The following TASP1 variants were observed in gnomAD, a reference collection of about 807,000 sequenced individuals.
The protein encoded by TASP1 is taspase 1, also known as threonine aspartase 1.
TASP1 carries 16 observed loss-of-function variants against 56.6 expected under a neutral mutation model. The ratio of observed to expected loss-of-function variants is 0.28; its 90% CI spans 0.19 to 0.43. The LOEUF is 0.43. Among genes scored for constraint, TASP1 ranks in the 20% least tolerant of loss-of-function variants. The probability of loss-of-function intolerance (pLI) is 1.00; values close to 1 mark genes in which losing one functional copy is unlikely to be tolerated. For missense variants in TASP1, 393 were observed against 511.6 expected (o/e 0.77, Z 2.24); for synonymous variants, 179 against 184.2 (o/e 0.97, Z 0.23).
the TASP1 span, among the ~76,000 whole-genome samples, chr20:13,133,635 G>A: frequency 6.6e-6 from 1 of 152,214 alleles, no homozygotes; most frequent in Non-Finnish European, 1.5e-5. Flanking sequence ...TCTGGAGACT[G>A]AGGCAAGAGA....
intron 9 of TASP1, among the ~76,000 whole-genome samples, chr20:13,530,840 T>G (rs1346709018): frequency 2.0e-5 from 3 of 152,224 alleles, no homozygotes; most frequent in Non-Finnish European, 1.5e-5. Context: ...TCCACTTCAT[T>G]GGATAAAATA....
chr20:13,247,585 A>G, the TASP1 span, among the ~76,000 whole-genome samples: 2 of 151,422 alleles, frequency 1.3e-5, no homozygotes, highest in Non-Finnish European at 1.5e-5. Flanking sequence ...GCAACTTAAA[A>G]GAGAGACTTT....
intron 13 of TASP1, among the ~76,000 whole-genome samples, chr20:13,406,962 G>T (rs964821158): frequency 1.3e-5 from 2 of 152,056 alleles, no homozygotes; most frequent in African/African-American, 4.8e-5. Flanking sequence ...CACCGTGCCC[G>T]GCTATTTTGA....
At position 13,483,231 on chromosome 20, in the gene TASP1, A is replaced by G. The variant is rs2043203373; in HGVS notation, c.981T>C (p.Phe327=). The G allele has an allele frequency of 1.3e-6, 2 of 1,579,142 alleles. No individual in the cohort carries two copies. The highest frequency in any genetic ancestry group is 4.6e-5 in the East Asian group (2 of 43,554). The part of the protein sequence containing the change: ...QALLETMQNK[F]ISSPFLASED... The stretch of plus-strand genomic sequence containing the variant: ...TCTTCTTAATGTTATACTTACTGAT[A>G]AACTTGTTTTGCATAGTCTCCAACA... The change falls in exon 11 of 14, where the codon TTT becomes TTC. Residue 327 remains phenylalanine (F), a synonymous_variant. Coordinates refer to ENST00000337743, the MANE Select transcript of TASP1 (RefSeq NM_017714.3).
Position 13,522,965 on chromosome 20 carries a change from C to T in TASP1, c.874+5468G>A, listed in dbSNP as rs148519097. On this transcript the variant is annotated intron_variant, in intron 10 of 13. Coordinates refer to ENST00000337743, the MANE Select transcript of TASP1 (RefSeq NM_017714.3). The stretch of plus-strand genomic sequence containing the variant: ...AGGAGGAGCAAGTTATTTGAGCAAC[C>T]GTGTCAAATGTTGCTTATAGGACTA... Among the ~76,000 whole-genome samples, 778 of 152,170 alleles carry T rather than the reference C, an allele frequency of 5.1e-3. 4 individuals carry two copies. Among genetic ancestry groups the T allele is most frequent in the East Asian group, 0.012 (60 of 5,174 alleles).
the TASP1 span, among the ~76,000 whole-genome samples, chr20:13,140,395 G>A: frequency 6.6e-6 from 1 of 152,140 alleles, no homozygotes; most frequent in African/African-American, 2.4e-5. Context: ...GCAAACCTCT[G>A]ATGTTCATCA....
At chr20:13,386,146 T>G (rs1040492712), downstream of TASP1, among the ~76,000 whole-genome samples, 1 of 152,234 alleles carries the variant, frequency 6.6e-6, no homozygotes, top group Non-Finnish European at 1.5e-5. Context: ...AACAAATATA[T>G]GTACTGGGCA....
chr20:13,332,772 G>GT, the TASP1 span, among the ~76,000 whole-genome samples: 5 of 152,170 alleles, frequency 3.3e-5, no homozygotes, highest in East Asian at 3.8e-4. Flanking sequence ...CTATGATAAG[G>GT]TTTTTTGTTC....
chr20:13,108,221 T>C, the TASP1 span, among the ~76,000 whole-genome samples: 532 of 152,334 alleles, frequency 3.5e-3, 4 homozygotes, highest in African/African-American at 0.012. Flanking sequence ...TCACCTTTAT[T>C]TAAATGTGGT....
In TASP1 at chr20:13,572,753, C is replaced by T. The variant is rs75521724; in HGVS notation, c.489-3167G>A. 2.4e-4 allele frequency among the ~76,000 whole-genome samples: 35 copies of T among 148,348 alleles called. No individual in the cohort carries two copies. The East Asian group carries it at 4.7e-3, about 20-fold the overall frequency. On this transcript the variant is annotated intron_variant, in intron 6 of 13. Transcript: ENST00000337743. ...TGCTGACAGAGAAAACACCCTGAAA[C>T]GGACTATCTGGGCAAATACGGTGAT...
At chr20:13,557,654 C>T (rs1355886021) in intron 8 of TASP1, among the ~76,000 whole-genome samples, 2 of 143,678 alleles carry the variant, frequency 1.4e-5, no homozygotes, top group Admixed American at 1.4e-4. Context: ...GATCACGGCT[C>T]ACTGCAGCCT....
intron 10 of TASP1, among the ~76,000 whole-genome samples, chr20:13,500,928 T>C (rs1298917605): frequency 6.6e-6 from 1 of 152,016 alleles, no homozygotes; most frequent in African/African-American, 2.4e-5. Context: ...TACTATCACA[T>C]TTAAGGACAC....
At chr20:13,472,900 G>A (rs1027246606) in intron 11 of TASP1, among the ~76,000 whole-genome samples, 31 of 151,950 alleles carry the variant, frequency 2.0e-4, no homozygotes, top group Non-Finnish European at 3.4e-4. Context: ...GTGTAAATTA[G>A]TTCAACCATT....
At chr20:13,500,129 T>C (rs1052227743) in intron 10 of TASP1, among the ~76,000 whole-genome samples, 1 of 151,302 alleles carries the variant, frequency 6.6e-6, no homozygotes, top group African/African-American at 2.4e-5. Flanking sequence ...CCTGGACCTA[T>C]AAAAACAAAA....
chr20:13,196,877 T>C, the TASP1 span, among the ~76,000 whole-genome samples: 1 of 152,174 alleles, frequency 6.6e-6, no homozygotes, highest in African/African-American at 2.4e-5. Context: ...ATCAAAGCAC[T>C]TTGTCACCAC....
intron 7 of TASP1, among the ~76,000 whole-genome samples, chr20:13,562,812 G>A (rs6079108): frequency 6.6e-6 from 1 of 150,760 alleles, no homozygotes; most frequent in Non-Finnish European, 1.5e-5. Context: ...GGGCAGTCAA[G>A]GTTGCAGTGA....
At chr20:13,285,637 C>T in the TASP1 span, among the ~76,000 whole-genome samples, 1 of 152,174 alleles carries the variant, frequency 6.6e-6, no homozygotes, top group Non-Finnish European at 1.5e-5. Context: ...ATCCCATTGG[C>T]CAAAGCAAGT....
the TASP1 span, among the ~76,000 whole-genome samples, chr20:13,219,531 G>A: frequency 6.6e-6 from 1 of 151,204 alleles, no homozygotes; most frequent in Non-Finnish European, 1.5e-5. Context: ...GACAGGCCCG[G>A]CTGCCTAAAA....
At chr20:13,360,702 C>T in the TASP1 span, among the ~76,000 whole-genome samples, 2 of 152,186 alleles carry the variant, frequency 1.3e-5, no homozygotes, top group African/African-American at 4.8e-5. Flanking sequence ...TTTTCTTCCT[C>T]ATACCTGACG....
Sources: allele counts gnomAD v4.1 joint callset (sites outside exome capture counted in the v4.1 genomes callset), GRCh38; gene constraint gnomAD v4.1.1; transcripts MANE v1.5; gene names NCBI Gene and HGNC (gene_info 2026-07-23, HGNC 2026-07-21).